Variants in TNRC6A observed in about 807,000 individuals in gnomAD.
TNRC6A encodes trinucleotide repeat containing adaptor 6A.
A neutral mutation model predicts 221.2 loss-of-function variants in TNRC6A; 44 were observed. The ratio of observed to expected loss-of-function variants is 0.20; its 90% CI spans 0.16 to 0.26. The LOEUF is 0.26. Among genes scored for constraint, TNRC6A ranks in the 10% least tolerant of loss-of-function variants. The pLI, the probability that TNRC6A is intolerant of heterozygous loss-of-function variation, is 1.00. For synonymous variants in TNRC6A, 847 were observed against 838.5 expected (o/e 1.01, Z -0.18); for missense variants, 2,199 against 2,404.4 (o/e 0.91, Z 1.79).
chr16:24,722,406 C>T (rs1404056121), intron 2 of TNRC6A, among the ~76,000 whole-genome samples: 1 of 140,924 alleles, frequency 7.1e-6, no homozygotes, highest in African/African-American at 2.6e-5. Context: ...AGAGCAAGAC[C>T]CCAACTATTT....
intron 2 of TNRC6A, among the ~76,000 whole-genome samples, chr16:24,700,643 G>A (rs9929676): frequency 0.47 from 71,657 of 151,826 alleles, 18,114 homozygotes; most frequent in African/African-American, 0.66. Flanking sequence ...ATGGATCTTC[G>A]TGGTAGAGGT....
At chr16:24,783,583 G>A (rs1075986) in intron 5 of TNRC6A, among the ~76,000 whole-genome samples, 7,764 of 150,104 alleles carry the variant, frequency 0.052, 629 homozygotes, top group East Asian at 0.36. Context: ...TGGGCATTTT[G>A]TATGAAAGTA....
Position 24,791,558 on chromosome 16 carries a change from G to C in TNRC6A, c.2916G>C (p.Gly972=). Residue 972 remains glycine (G), a synonymous_variant, in exon 6 of 25, where the codon GGG becomes GGC. Transcript: ENST00000395799. ...TGKPPGTGWL[G]GPIPAPAKEE... is the part of the protein sequence containing the mutation. ...AACCTCCTGGTACAGGCTGGCTGGG[G>C]GGACCTATACCAGCCCCAGCAAAAG... 1 of 1,551,478 alleles carries C rather than the reference G, an allele frequency of 6.4e-7. No individual in the cohort carries two copies. Among genetic ancestry groups the C allele is most frequent in the Non-Finnish European group, 8.7e-7 (1 of 1,153,682 alleles).
intron 2 of TNRC6A, among the ~76,000 whole-genome samples, chr16:24,732,909 A>T (rs942611101): frequency 1.3e-5 from 2 of 152,182 alleles, no homozygotes; most frequent in Non-Finnish European, 2.9e-5. Flanking sequence ...AAACTTTTAG[A>T]TGTTGAGTTA....
chr16:24,666,639 GAAAAAAAAAAAAAAAA>G (rs1164353374), intron 2 of TNRC6A, among the ~76,000 whole-genome samples: 2 of 31,490 alleles, frequency 6.4e-5, no homozygotes, highest in African/African-American at 2.2e-4. Flanking sequence ...CTGTCTTAGA[GAAAAAAAAAAAAAAAA>G]AAAAAAAAAA....
At chr16:24,685,721 G>A (rs1302951943) in intron 2 of TNRC6A, among the ~76,000 whole-genome samples, 3 of 152,134 alleles carry the variant, frequency 2.0e-5, no homozygotes, top group Non-Finnish European at 4.4e-5. Context: ...CAACTATCTG[G>A]TGCCCTTGGG....
At chr16:24,786,309 GTTGTTGTT>G (rs1166159703) in intron 5 of TNRC6A, among the ~76,000 whole-genome samples, 10 of 143,200 alleles carry the variant, frequency 7.0e-5, no homozygotes, top group Non-Finnish European at 9.2e-5. Flanking sequence ...TTTTGTTGTT[GTTGTTGTT>G]TTGTTTTGTT....
Position 24,777,053 on chromosome 16 carries a change from C to A in TNRC6A, c.284C>A (p.Pro95Gln), listed in dbSNP as rs868705082. 1 of 1,613,528 alleles carries A rather than the reference C, an allele frequency of 6.2e-7. No homozygotes were observed. Among genetic ancestry groups the A allele is most frequent in the East Asian group, 2.2e-5 (1 of 44,840 alleles). The change falls in exon 5 of 25, where the codon CCA (proline) becomes CAA (glutamine). Residue 95 changes from proline (P) to glutamine (Q), a missense_variant. Physicochemically the swap from Pro to Gln is moderately conservative, Grantham distance 76. Around this residue, in one of 8 missense-constraint regions of TNRC6A, gnomAD observed 1,405 missense variants for 1,400.2 expected, o/e 1.00. Transcript: ENST00000395799. ...CGAGCTACAGCCAACAATCAGCAGCCACAGCAGCAGCAGCAACAGCAGCAG... is the reference window on the plus strand; with the variant it reads ...CGAGCTACAGCCAACAATCAGCAGCAACAGCAGCAGCAGCAACAGCAGCAG... ...AKRATANNQQ[P>Q]QQQQQQQQPQ...
chr16:24,692,736 G>C (rs1567361343), intron 2 of TNRC6A, among the ~76,000 whole-genome samples: 1 of 151,634 alleles, frequency 6.6e-6, no homozygotes, highest in Non-Finnish European at 1.5e-5. Context: ...ATATATATGT[G>C]TATATATTAT....
rs935357786 is a variant in TNRC6A, at chr16:24,824,882, A to G, written c.*1075A>G. On this transcript the variant is annotated 3_prime_UTR_variant, in exon 25 of 25. Transcript: ENST00000395799. The stretch of plus-strand genomic sequence containing the variant: ...TTAAAGAATTTTCTCTGCCAAAAAA[A>G]AAGAAAAAACAAAAAAACGCTTAAA... 6.6e-6 allele frequency: 1 copy of G among 152,560 alleles called. No individual in the cohort carries two copies. Among genetic ancestry groups the G allele is most frequent in the Non-Finnish European group, 1.5e-5 (1 of 68,040 alleles). 9.5% of individuals were successfully genotyped at this position (152,560 alleles called of 1,614,324 possible).
intron 3 of TNRC6A, among the ~76,000 whole-genome samples, chr16:24,756,568 C>T (rs1056138454): frequency 2.6e-5 from 4 of 152,136 alleles, no homozygotes; most frequent in South Asian, 2.1e-4. Context: ...TGAGGTTGAC[C>T]GTTGTTTTAA....
intron 1 of TNRC6A, among the ~76,000 whole-genome samples, chr16:24,637,275 T>G (rs1901684643): frequency 6.6e-6 from 1 of 152,134 alleles, no homozygotes; most frequent in Non-Finnish European, 1.5e-5. Context: ...TCAAGCGATC[T>G]GCCCATCCCA....
intron 2 of TNRC6A, among the ~76,000 whole-genome samples, chr16:24,660,520 T>C (rs73564675): frequency 0.012 from 1,861 of 152,114 alleles, 32 homozygotes; most frequent in African/African-American, 0.035. Flanking sequence ...TTTTTGCAGT[T>C]GTGAATAGTG....
chr16:24,623,076 A>G (rs1396392559), intron 1 of TNRC6A, among the ~76,000 whole-genome samples: 1 of 152,254 alleles, frequency 6.6e-6, no homozygotes, highest in Non-Finnish European at 1.5e-5. Flanking sequence ...CGTACAGCAA[A>G]GAAAATTTGG....
At chr16:24,688,670 C>T (rs2055690574) in intron 2 of TNRC6A, among the ~76,000 whole-genome samples, 1 of 152,170 alleles carries the variant, frequency 6.6e-6, no homozygotes. Flanking sequence ...AAGAGCGAGC[C>T]TCAGGATGCA....
In TNRC6A at chr16:24,777,356, C is replaced by T; in HGVS notation, c.587C>T (p.Ser196Leu). The T allele has an allele frequency of 6.2e-7, 1 of 1,606,328 alleles. No homozygotes were observed. The highest frequency in any genetic ancestry group is 8.5e-7 in the Non-Finnish European group (1 of 1,177,934). Reference protein sequence around the residue: ...NGEVQNSKNQSDINHSTSGSH... With the variant: ...NGEVQNSKNQLDINHSTSGSH... ...GAGGTGCAGAACAGCAAAAACCAGT[C>T]AGGTGAGAGAAGGCATTTCTTACGA... Residue 196 changes from serine (S) to leucine (L), a missense_variant and splice_region_variant, in exon 5 of 25, where the codon TCA (serine) becomes TTA (leucine). Ser to Leu is a moderately radical substitution (Grantham distance 145, BLOSUM62 -2). Transcript: ENST00000395799.
chr16:24,705,333 AT>A (rs113333291), intron 2 of TNRC6A, among the ~76,000 whole-genome samples: 2,716 of 143,210 alleles, frequency 0.019, 28 homozygotes, highest in East Asian at 0.036. Flanking sequence ...TATTAGATGA[AT>A]TTTTTTTTTT....
chr16:24,767,908 G>T, intron 4 of TNRC6A, among the ~76,000 whole-genome samples: 1 of 152,234 alleles, frequency 6.6e-6, no homozygotes, highest in East Asian at 1.9e-4. Context: ...GGAAGCTGAA[G>T]CTCTCTAGAG....
chr16:24,625,580 G>A (rs927482656), intron 1 of TNRC6A, among the ~76,000 whole-genome samples: 5 of 151,956 alleles, frequency 3.3e-5, no homozygotes, highest in Non-Finnish European at 7.4e-5. Flanking sequence ...CAAAAAATTA[G>A]CCGGGCGCGG....
Sources: allele counts gnomAD v4.1 joint callset (sites outside exome capture counted in the v4.1 genomes callset), GRCh38; gene constraint gnomAD v4.1.1; regional missense constraint gnomAD v4.1.1; transcripts MANE v1.5; gene names NCBI Gene and HGNC (gene_info 2026-07-23, HGNC 2026-07-21).